The following PCNX2 variants were observed in gnomAD, a reference collection of about 807,000 sequenced individuals.
The protein encoded by PCNX2 is pecanex 2, also known as pecanex-like protein 2.
Under a neutral mutation model 223.8 loss-of-function variants are expected in PCNX2, and 168 were observed. The ratio of observed to expected loss-of-function variants is 0.75; its 90% CI spans 0.66 to 0.85. The LOEUF (loss-of-function observed/expected upper bound fraction) is 0.85. Ranked by LOEUF, PCNX2 falls within the 40% of genes least tolerant of loss-of-function variation. PCNX2 has a pLI of 0.00. For synonymous variants in PCNX2, 1,006 were observed against 1,052.6 expected (o/e 0.96, Z 0.86); for missense variants, 2,507 against 2,675.5 (o/e 0.94, Z 1.39).
At chr1:233,094,715 A>C (rs1012111113) in intron 22 of PCNX2, among the ~76,000 whole-genome samples, 22 of 152,302 alleles carry the variant, frequency 1.4e-4, no homozygotes, top group Middle Eastern at 3.4e-3. Context: ...GCCTTATGTA[A>C]ATTTCATATG....
At chr1:233,031,490 C>T (rs952218843) in intron 25 of PCNX2, among the ~76,000 whole-genome samples, 3 of 152,184 alleles carry the variant, frequency 2.0e-5, no homozygotes, top group Non-Finnish European at 4.4e-5. Context: ...ATTGTATTAC[C>T]TTACATATGG....
chr1:233,167,887 A>C (rs1284926380), intron 17 of PCNX2: 1 of 869,468 alleles, frequency 1.2e-6, no homozygotes, highest in Non-Finnish European at 1.4e-6. Flanking sequence ...ATAAGATATA[A>C]ATATATGTAG....
chr1:233,189,694 C>T (rs751352644), intron 15 of PCNX2, among the ~76,000 whole-genome samples: 5 of 152,072 alleles, frequency 3.3e-5, no homozygotes, highest in East Asian at 1.9e-4. Flanking sequence ...AAAGCTCCCC[C>T]GCAAGCAGTT....
intron 15 of PCNX2, among the ~76,000 whole-genome samples, chr1:233,191,249 A>G (rs1238391015): frequency 6.6e-6 from 1 of 152,210 alleles, no homozygotes; most frequent in Non-Finnish European, 1.5e-5. Context: ...TCCTCCTCCC[A>G]TATCTTTACA....
chr1:233,045,165 C>T (rs903758877), intron 25 of PCNX2, among the ~76,000 whole-genome samples: 5 of 152,256 alleles, frequency 3.3e-5, no homozygotes, highest in African/African-American at 1.2e-4. Flanking sequence ...TACTTTTTCT[C>T]CTGGGTACTC....
the PCNX2 span, among the ~76,000 whole-genome samples, chr1:233,324,176 A>G: frequency 6.6e-6 from 1 of 152,230 alleles, no homozygotes; most frequent in Admixed American, 6.5e-5. Flanking sequence ...GAAAGCTAGT[A>G]GAGGTTGGCT....
At chr1:233,162,115 G>A (rs1205262953) in intron 17 of PCNX2, among the ~76,000 whole-genome samples, 1 of 152,054 alleles carries the variant, frequency 6.6e-6, no homozygotes, top group African/African-American at 2.4e-5. Flanking sequence ...AAACTGTAGT[G>A]TAAGCAGTGG....
intron 26 of PCNX2, 59 bp downstream of exon 26, chr1:233,025,087 G>A (rs1449080921): frequency 1.9e-6 from 3 of 1,589,184 alleles, no homozygotes; most frequent in South Asian, 1.1e-5. Context: ...GAGCTCTTTC[G>A]GAGCTTCCTG....
intron 23 of PCNX2, among the ~76,000 whole-genome samples, chr1:233,075,826 C>T (rs971996786): frequency 4.6e-5 from 7 of 151,982 alleles, no homozygotes; most frequent in Admixed American, 2.6e-4. Flanking sequence ...CTGATTCTAA[C>T]GTGCTTACAC....
chr1:233,133,577 C>CA (rs1293700112), intron 21 of PCNX2, among the ~76,000 whole-genome samples: 2 of 152,116 alleles, frequency 1.3e-5, no homozygotes, highest in Non-Finnish European at 2.9e-5. Flanking sequence ...AAATTGGGGC[C>CA]AGGTGCAGTG....
At chr1:233,117,364 G>A (rs1675471692) in intron 21 of PCNX2, among the ~76,000 whole-genome samples, 1 of 150,268 alleles carries the variant, frequency 6.7e-6, no homozygotes, top group Non-Finnish European at 1.5e-5. Flanking sequence ...TGGCGCGGTT[G>A]CTCACGCCTG....
chr1:233,189,289 A>T (rs1028382442), intron 15 of PCNX2, among the ~76,000 whole-genome samples: 2 of 152,208 alleles, frequency 1.3e-5, no homozygotes, highest in African/African-American at 4.8e-5. Context: ...GGCAAATGAG[A>T]AGACACTTCA....
rs138739358 is a variant in PCNX2, at chr1:233,154,506, G to A, written c.3517+5777C>T. On this transcript the variant is annotated intron_variant, in intron 19 of 33. Coordinates refer to ENST00000258229, the MANE Select transcript of PCNX2 (RefSeq NM_014801.4). ...TCCAAACTACCCTTTACTTCAAGAG[G>A]CTTTGTATGCCCTTATCAGCCTATA... Among the ~76,000 whole-genome samples the A allele has an allele frequency of 2.6e-5, 4 of 152,228 alleles. No individual in the cohort carries two copies. In the East Asian group the frequency reaches 7.7e-4, roughly 29 times the overall value.
chr1:233,147,872 A>G (rs544042802), intron 19 of PCNX2, among the ~76,000 whole-genome samples: 2 of 152,360 alleles, frequency 1.3e-5, no homozygotes, highest in Admixed American at 6.5e-5. Flanking sequence ...TGATAGCTAT[A>G]AAGGAGCTCT....
chr1:233,191,940 A>G (rs1351437753), intron 15 of PCNX2, among the ~76,000 whole-genome samples: 4 of 152,190 alleles, frequency 2.6e-5, no homozygotes, highest in South Asian at 2.1e-4. Flanking sequence ...GCATTTCTTC[A>G]TATCTACTGC....
intron 20 of PCNX2, among the ~76,000 whole-genome samples, chr1:233,138,720 AG>A (rs1260154796): frequency 6.6e-6 from 1 of 152,216 alleles, no homozygotes; most frequent in Non-Finnish European, 1.5e-5. Flanking sequence ...TAAGTATCAA[AG>A]AACATAGAAT....
At chr1:233,163,838 A>G (rs554325469) in intron 17 of PCNX2, among the ~76,000 whole-genome samples, 4 of 152,214 alleles carry the variant, frequency 2.6e-5, no homozygotes, top group Non-Finnish European at 2.9e-5. Flanking sequence ...ACTTATTCTG[A>G]GATTCATCCA....
intron 21 of PCNX2, 64 bp from the exon 22 acceptor site, chr1:233,095,927 G>T: frequency 8.3e-7 from 1 of 1,201,356 alleles, no homozygotes; most frequent in Non-Finnish European, 1.2e-6. Flanking sequence ...CTGCATCAAG[G>T]TCACTTAAAG....
rs1458079842 is a variant in PCNX2 at position 233,074,395 on chromosome 1, C to T, written c.4076+15666G>A. ...AGATCACGAGGTCAGGAGATCGAGA[C>T]CATCCCGGCTAAAACGGTGAAACCC... On this transcript the variant is annotated intron_variant, in intron 23 of 33. Coordinates refer to ENST00000258229, the MANE Select transcript of PCNX2 (RefSeq NM_014801.4). Among the ~76,000 whole-genome samples the T allele has an allele frequency of 3.3e-5, 5 of 151,894 alleles. No individual in the cohort carries two copies. In the East Asian group the frequency reaches 9.7e-4, roughly 29 times the overall value.
Sources: allele counts gnomAD v4.1 joint callset (sites outside exome capture counted in the v4.1 genomes callset), GRCh38; gene constraint gnomAD v4.1.1; transcripts MANE v1.5; gene names NCBI Gene and HGNC (gene_info 2026-07-23, HGNC 2026-07-21).